Variants in CD36 observed in about 807,000 individuals in gnomAD.
CD36 encodes the protein platelet glycoprotein 4.
A neutral mutation model predicts 55.2 loss-of-function variants in CD36; 119 were observed. The observed-to-expected ratio is 2.15, with a 90% CI of 1.86 to 2.51. The LOEUF (loss-of-function observed/expected upper bound fraction) is 2.51, where lower values mean the gene tolerates loss of function less well. Ranked by LOEUF, CD36 falls within the 30% of genes most tolerant of loss-of-function variation. The pLI is 0.00. For synonymous variants in CD36, 186 were observed against 193.6 expected, an observed-to-expected ratio of 0.96 and a Z score of 0.33; for missense variants, 819 against 555.5, an observed-to-expected ratio of 1.47 and a Z score of -4.77.
intron 8 of CD36, among the ~76,000 whole-genome samples, chr7:80,667,745 TTG>T (rs1364245344): frequency 5.1e-5 from 6 of 118,574 alleles, no homozygotes; most frequent in African/African-American, 1.9e-4. Context: ...GGGTTTTCTT[TTG>T]TTTTTTTTTT....
At chr7:80,638,474 TTA>T (rs1162363359), upstream of CD36, 2 of 151,668 alleles carry the variant, frequency 1.3e-5, no homozygotes, top group East Asian at 1.9e-4. Context: ...TAGACCCTTA[TTA>T]GCCATATCAG....
At chr7:80,608,171 A>G (rs1028909416) in intron 1 of CD36, among the ~76,000 whole-genome samples, 3 of 152,234 alleles carry the variant, frequency 2.0e-5, no homozygotes, top group African/African-American at 7.2e-5. Flanking sequence ...AGCATTCAAT[A>G]ATATATATGC....
chr7:80,664,542 T>C (rs1423394213), intron 7 of CD36, 45 bp downstream of exon 7: 1 of 1,005,052 alleles, frequency 9.9e-7, no homozygotes, highest in African/African-American at 1.6e-5. Context: ...TAGGGTACTC[T>C]TAAGCAGGAA....
At chr7:80,654,918 AG>A in intron 3 of CD36, among the ~76,000 whole-genome samples, 1 of 150,544 alleles carries the variant, frequency 6.6e-6, no homozygotes, top group South Asian at 2.1e-4. Context: ...CATGGTGTAA[AG>A]GAGGACTAGT....
In CD36 at chr7:80,677,565, A is replaced by ATACT. The variant is rs1212459028; in HGVS notation, c.*1185_*1188dup. On this transcript the variant is annotated 3_prime_UTR_variant, in exon 15 of 15. Coordinates refer to ENST00000447544, the MANE Select transcript of CD36 (RefSeq NM_001001548.3). Reference sequence around the variant, plus strand: ...TTGCATCTCTGAAGGTGCTTAAAGCATACTTAGTGCCTTTCCTTTTAACTG... The same window carrying ATACT: ...TTGCATCTCTGAAGGTGCTTAAAGCATACTTACTTAGTGCCTTTCCTTTTAACTG... The ATACT allele has an allele frequency of 1.3e-5, 2 of 152,330 alleles. No individual in the cohort carries two copies. The highest frequency in any genetic ancestry group is 4.8e-5 in the African/African-American group (2 of 41,590). 9.4% of individuals were successfully genotyped at this position (152,330 alleles called of 1,614,324 possible).
chr7:80,666,738 C>T (rs3212013), intron 8 of CD36, among the ~76,000 whole-genome samples: 4,026 of 152,312 alleles, frequency 0.026, 84 homozygotes, highest in Non-Finnish European at 0.042. Context: ...TTTGTAAAAA[C>T]TTTACTGCCA....
At chr7:80,670,310 T>C (rs913679784) in intron 9 of CD36, 2 of 416,080 alleles carry the variant, frequency 4.8e-6, no homozygotes, top group African/African-American at 4.1e-5. Flanking sequence ...GAGAAGATGA[T>C]GCAAATGTAA....
At chr7:80,606,845 T>G (rs1408907002) in intron 1 of CD36, among the ~76,000 whole-genome samples, 1 of 152,146 alleles carries the variant, frequency 6.6e-6, no homozygotes, top group African/African-American at 2.4e-5. Context: ...TACCAGCTGG[T>G]GGTAAAAGTA....
chr7:80,623,679 T>G (rs1282168617), intron 1 of CD36, among the ~76,000 whole-genome samples: 2 of 152,192 alleles, frequency 1.3e-5, no homozygotes, highest in Admixed American at 1.3e-4. Context: ...ATCTCCAGCT[T>G]TCCACAAACT....
intron 1 of CD36, among the ~76,000 whole-genome samples, chr7:80,606,626 T>G (rs1168761510): frequency 1.3e-5 from 2 of 152,154 alleles, no homozygotes; most frequent in African/African-American, 4.8e-5. Context: ...ATGTACTGAG[T>G]TTTGGATGAA....
chr7:80,661,158 T>C lies in CD36; in HGVS notation c.377T>C (p.Leu126Pro), dbSNP rs377539852. 3.7e-6 allele frequency: 6 copies of C among 1,613,912 alleles called. No individual in the cohort carries two copies. The African/African-American group carries it at 8.0e-5, about 22-fold the overall frequency. ...AATGGTGCCATCTTCGAACCTTCACTATCAGTTGGAACAGAGGCTGACAAC... is the reference window on the plus strand; with the variant it reads ...AATGGTGCCATCTTCGAACCTTCACCATCAGTTGGAACAGAGGCTGACAAC... ...QPNGAIFEPS[L>P]SVGTEADNFT... Residue 126 changes from leucine (L) to proline (P), a missense_variant, in exon 5 of 15, where the codon CTA (leucine) becomes CCA (proline). Transcript: ENST00000447544.
chr7:80,659,538 A>G (rs3211881), intron 4 of CD36, among the ~76,000 whole-genome samples: 11,098 of 152,190 alleles, frequency 0.073, 425 homozygotes, highest in Middle Eastern at 0.12. Context: ...CTTATAAACA[A>G]ACACGTTCCA....
At chr7:80,667,113 T>A (rs3211921) in intron 8 of CD36, among the ~76,000 whole-genome samples, 159 of 152,210 alleles carry the variant, frequency 1.0e-3, no homozygotes, top group Non-Finnish European at 1.7e-3. Flanking sequence ...TGCCTATTAG[T>A]TTAAGAATTA....
chr7:80,622,916 G>A (rs1178915700), intron 1 of CD36, among the ~76,000 whole-genome samples: 1 of 151,948 alleles, frequency 6.6e-6, no homozygotes, highest in Non-Finnish European at 1.5e-5. Flanking sequence ...GTAAATATTG[G>A]TAACTTCAAT....
intron 1 of CD36, among the ~76,000 whole-genome samples, chr7:80,622,239 C>G (rs184899121): frequency 7.2e-4 from 109 of 152,354 alleles, no homozygotes; most frequent in African/African-American, 2.6e-3. Flanking sequence ...TATCCTCATT[C>G]TTCTGGGGCA....
chr7:80,610,171 A>AT (rs530773368), intron 1 of CD36, among the ~76,000 whole-genome samples: 104 of 152,320 alleles, frequency 6.8e-4, no homozygotes, highest in African/African-American at 2.5e-3. Flanking sequence ...CATGAGAATG[A>AT]TAAAAAATGT....
At chr7:80,618,156 T>C (rs567173671) in intron 1 of CD36, among the ~76,000 whole-genome samples, 48 of 152,306 alleles carry the variant, frequency 3.2e-4, no homozygotes, top group African/African-American at 1.1e-3. Context: ...GCAGCCAGCA[T>C]TTAACTCTTA....
At chr7:80,613,481 C>T (rs899679291) in intron 1 of CD36, among the ~76,000 whole-genome samples, 1 of 152,078 alleles carries the variant, frequency 6.6e-6, no homozygotes, top group African/African-American at 2.4e-5. Context: ...ATTCATTCTT[C>T]TCTTTCTCCT....
intron 1 of CD36, among the ~76,000 whole-genome samples, chr7:80,639,349 T>C (rs1396933184): frequency 6.6e-6 from 1 of 151,988 alleles, no homozygotes; most frequent in Non-Finnish European, 1.5e-5. Context: ...TTACTGGGAA[T>C]AGCAAAGTAT....
Sources: gnomAD v4.1 joint callset for allele counts (sites outside exome capture counted in the v4.1 genomes callset) on GRCh38, gnomAD v4.1.1 for gene constraint, MANE v1.5 for transcripts, NCBI Gene and HGNC (gene_info 2026-07-23, HGNC 2026-07-21) for gene names.